CAPS2: variants seen among roughly 807,000 people sequenced by gnomAD.
CAPS2 encodes calcyphosin-2.
A neutral mutation model predicts 86.5 loss-of-function variants in CAPS2; 98 were observed. The observed-to-expected ratio is 1.13, with a 90% CI of 0.96 to 1.34. The LOEUF (loss-of-function observed/expected upper bound fraction) is 1.34. Ranked by LOEUF, CAPS2 falls within the 40% of genes most tolerant of loss-of-function variation. CAPS2 has a pLI of 0.00. For synonymous variants in CAPS2, 210 were observed against 225.1 expected (o/e 0.93, Z 0.60); for missense variants, 729 against 686.8 (o/e 1.06, Z -0.69).
intron 11 of CAPS2, 53 bp from the exon 12 acceptor site, chr12:75,293,420 T>A (rs2036353472): frequency 4.8e-6 from 5 of 1,048,252 alleles, no homozygotes; most frequent in Non-Finnish European, 5.8e-6. Flanking sequence ...AAATAAAATA[T>A]AACTAACATC....
chr12:75,376,990 TTTA>T (rs2044684599), intron 1 of CAPS2, among the ~76,000 whole-genome samples: 1 of 152,192 alleles, frequency 6.6e-6, no homozygotes, highest in South Asian at 2.1e-4. Flanking sequence ...ACCAACCAAC[TTTA>T]TTATATTCCT....
At chr12:75,296,097 T>C (rs994315269) in intron 11 of CAPS2, among the ~76,000 whole-genome samples, 7 of 152,146 alleles carry the variant, frequency 4.6e-5, no homozygotes, top group African/African-American at 1.7e-4. Context: ...CACAGCAGTT[T>C]AGATTGACTT....
Position 75,339,112 on chromosome 12 carries a change from A to T in CAPS2, c.-394-15890T>A, listed in dbSNP as rs570469253. ...GAATGATCTATATTCCTTTGGGTACATACCCAGTAATGGGATTGCTGGGTC... is the reference window on the plus strand; with the variant it reads ...GAATGATCTATATTCCTTTGGGTACTTACCCAGTAATGGGATTGCTGGGTC... On this transcript the variant is annotated intron_variant, in intron 1 of 5. Coordinates refer to the CAPS2 transcript ENST00000551829. Among the ~76,000 whole-genome samples the T allele has an allele frequency of 5.3e-5, 8 of 152,362 alleles. No individual in the cohort carries two copies. In the South Asian group the frequency reaches 8.3e-4, roughly 16 times the overall value.
At chr12:75,369,348 T>C (rs1237058109) in intron 1 of CAPS2, 1 of 174,556 alleles carries the variant, frequency 5.7e-6, no homozygotes, top group Admixed American at 6.5e-5. Context: ...AGTATAGATT[T>C]TTCTCTCCTC....
intron 6 of CAPS2, 55 bp from the exon 7 acceptor site, chr12:75,312,970 A>G: frequency 2.0e-6 from 2 of 995,688 alleles, no homozygotes; most frequent in African/African-American, 1.6e-5. Context: ...ACCATACAAT[A>G]CTTAACACAA....
intron 5 of CAPS2, among the ~76,000 whole-genome samples, chr12:75,317,759 T>A (rs1371632370): frequency 2.0e-5 from 3 of 152,152 alleles, no homozygotes; most frequent in Non-Finnish European, 4.4e-5. Flanking sequence ...GTAATCATTA[T>A]CACAATCAAA....
At chr12:75,389,222 T>C (rs1413748261) in intron 1 of CAPS2, among the ~76,000 whole-genome samples, 1 of 152,186 alleles carries the variant, frequency 6.6e-6, no homozygotes, top group Non-Finnish European at 1.5e-5. Flanking sequence ...CACCACTCTG[T>C]ATTGTAACTG....
chr12:75,311,711 ACAAAAAAAAAAAC>A (rs1314297850), intron 7 of CAPS2, among the ~76,000 whole-genome samples: 1,162 of 72,172 alleles, frequency 0.016, 172 homozygotes, highest in South Asian at 0.057. Context: ...AAAAAAAAAA[ACAAAAAAAAAAAC>A]AAAAAAAAAA....
chr12:75,324,695 C>A (rs1436533616), intron 2 of CAPS2, among the ~76,000 whole-genome samples: 1 of 151,870 alleles, frequency 6.6e-6, no homozygotes, highest in Non-Finnish European at 1.5e-5. Context: ...TTTTTAATTT[C>A]TATTTTTAAA....
At chr12:75,296,678 G>A (rs888222168) in intron 11 of CAPS2, among the ~76,000 whole-genome samples, 1 of 152,114 alleles carries the variant, frequency 6.6e-6, no homozygotes, top group African/African-American at 2.4e-5. Context: ...TTTCTTTTAA[G>A]GAGTGTTTAG....
upstream of CAPS2, among the ~76,000 whole-genome samples, chr12:75,328,432 C>T (rs2139121841): frequency 6.6e-6 from 1 of 152,216 alleles, no homozygotes; most frequent in African/African-American, 2.4e-5. Flanking sequence ...CCAGGTCCTC[C>T]CAGTTCCTGT....
intron 16 of CAPS2, among the ~76,000 whole-genome samples, chr12:75,282,015 C>T (rs1396177488): frequency 1.3e-5 from 2 of 151,964 alleles, no homozygotes; most frequent in African/African-American, 2.4e-5. Context: ...TTACTATCTC[C>T]TAAGTAGGAA....
At chr12:75,339,737 T>G (rs893754839) in intron 1 of CAPS2, among the ~76,000 whole-genome samples, 64 of 152,324 alleles carry the variant, frequency 4.2e-4, no homozygotes, top group African/African-American at 1.5e-3. Flanking sequence ...CATTTAAGTC[T>G]TTAATCCATC....
At chr12:75,326,455 T>C (rs1565916912) in exon 1 of CAPS2, 1 of 1,539,118 alleles carries the variant, frequency 6.5e-7, no homozygotes, top group East Asian at 2.5e-5. Context: ...TGGCTGAATT[T>C]GGCTCCTAGA....
chr12:75,320,508 GA>G (rs1263666442), intron 5 of CAPS2, among the ~76,000 whole-genome samples: 22 of 151,978 alleles, frequency 1.4e-4, no homozygotes, highest in African/African-American at 5.3e-4. Context: ...TTCAAAATAA[GA>G]AAGATCAAAT....
At chr12:75,355,505 G>A (rs201089759) in intron 1 of CAPS2, among the ~76,000 whole-genome samples, 2 of 152,102 alleles carry the variant, frequency 1.3e-5, no homozygotes, top group African/African-American at 2.4e-5. Flanking sequence ...AAATAGGAAC[G>A]TTTTTACACT....
At chr12:75,389,373 A>G (rs34722118) in intron 1 of CAPS2, among the ~76,000 whole-genome samples, 26,563 of 152,172 alleles carry the variant, frequency 0.17, 2,549 homozygotes, top group Admixed American at 0.24. Flanking sequence ...TGAGATGTCT[A>G]GCAGTGGAAT....
At chr12:75,294,458 G>T (rs553431749) in intron 11 of CAPS2, among the ~76,000 whole-genome samples, 1 of 152,082 alleles carries the variant, frequency 6.6e-6, no homozygotes. Context: ...CTCAAGGACC[G>T]GTGAGCCACT....
chr12:75,340,690 A>G (rs1235189010), intron 1 of CAPS2, among the ~76,000 whole-genome samples: 1 of 151,860 alleles, frequency 6.6e-6, no homozygotes, highest in African/African-American at 2.4e-5. Context: ...TATATTTAAG[A>G]AAGAACTCCT....
Sources: allele counts gnomAD v4.1 joint callset (sites outside exome capture counted in the v4.1 genomes callset), GRCh38; gene constraint gnomAD v4.1.1; transcripts MANE v1.5; gene names NCBI Gene and HGNC (gene_info 2026-07-23, HGNC 2026-07-21).